PRKAR2A: variants seen among roughly 807,000 people sequenced by gnomAD.
PRKAR2A encodes the protein protein kinase cAMP-dependent type II regulatory subunit alpha.
Under a neutral mutation model 51.9 loss-of-function variants are expected in PRKAR2A, and 29 were observed. The ratio of observed to expected loss-of-function variants is 0.56; its 90% CI spans 0.42 to 0.76. The LOEUF is 0.76. PRKAR2A is among the 30% of genes least tolerant of loss of function. The pLI is 0.00. For synonymous variants in PRKAR2A, 178 were observed against 186.2 expected, an observed-to-expected ratio of 0.96 and a Z score of 0.36; for missense variants, 445 against 512.1, an observed-to-expected ratio of 0.87 and a Z score of 1.26.
At chr3:48,846,751 A>G (rs1295729793) in intron 1 of PRKAR2A, among the ~76,000 whole-genome samples, 1 of 152,220 alleles carries the variant, frequency 6.6e-6, no homozygotes, top group Non-Finnish European at 1.5e-5. Context: ...AAGAAATACA[A>G]ACTCAAGTAA....
At chr3:48,784,898 T>A (rs1359931346) in intron 4 of PRKAR2A, among the ~76,000 whole-genome samples, 1 of 152,184 alleles carries the variant, frequency 6.6e-6, no homozygotes, top group Admixed American at 6.6e-5. Flanking sequence ...AAGTACTTAC[T>A]ATATGTGATT....
intron 5 of PRKAR2A, among the ~76,000 whole-genome samples, chr3:48,782,335 AG>A (rs1423067183): frequency 6.6e-6 from 1 of 152,242 alleles, no homozygotes; most frequent in Non-Finnish European, 1.5e-5. Context: ...AAATGACTAT[AG>A]TACCATGGCT....
intron 4 of PRKAR2A, among the ~76,000 whole-genome samples, chr3:48,785,258 A>ATTT (rs1198962303): frequency 4.0e-5 from 5 of 123,882 alleles, no homozygotes; most frequent in Non-Finnish European, 8.5e-5. Flanking sequence ...GGCCTGGATA[A>ATTT]TTTTTTTTTT....
At chr3:48,845,607 G>C (rs938624882) in intron 1 of PRKAR2A, among the ~76,000 whole-genome samples, 5 of 152,178 alleles carry the variant, frequency 3.3e-5, no homozygotes, top group Non-Finnish European at 7.3e-5. Context: ...AGCAACCAAG[G>C]AAACTGTAAT....
At chr3:48,836,925 G>C (rs1018169247) in intron 1 of PRKAR2A, among the ~76,000 whole-genome samples, 3 of 152,028 alleles carry the variant, frequency 2.0e-5, no homozygotes, top group East Asian at 3.9e-4. Flanking sequence ...GAGCTCAGGA[G>C]TTCGAGACCA....
chr3:48,779,429 T>C (rs1287055039), intron 5 of PRKAR2A, among the ~76,000 whole-genome samples: 1 of 151,884 alleles, frequency 6.6e-6, no homozygotes. Context: ...GGTAGGGGAG[T>C]ACACAGCAGG....
intron 1 of PRKAR2A, among the ~76,000 whole-genome samples, chr3:48,823,321 G>A (rs574444072): frequency 7.2e-4 from 110 of 151,764 alleles, no homozygotes; most frequent in African/African-American, 2.6e-3. Context: ...AGGGGGTGTC[G>A]GGGGGGTGCT....
At chr3:48,805,216 A>C (rs2082654192) in intron 2 of PRKAR2A, among the ~76,000 whole-genome samples, 1 of 152,108 alleles carries the variant, frequency 6.6e-6, no homozygotes, top group Non-Finnish European at 1.5e-5. Flanking sequence ...GCCAGCCATA[A>C]TGCGAAGTTT....
At chr3:48,759,846 A>G (rs932491326) in intron 8 of PRKAR2A, among the ~76,000 whole-genome samples, 4 of 152,214 alleles carry the variant, frequency 2.6e-5, no homozygotes, top group African/African-American at 9.6e-5. Flanking sequence ...TTCACAACAG[A>G]TAATATAAGA....
At position 48,751,431 on chromosome 3, in the gene PRKAR2A, G is replaced by T; in HGVS notation, c.*154C>A. The T allele has an allele frequency of 8.8e-7, 1 of 1,132,836 alleles. No homozygotes were observed. Among genetic ancestry groups the T allele is most frequent in the Non-Finnish European group, 1.3e-6 (1 of 771,634 alleles). 70.2% of individuals were successfully genotyped at this position (1,132,836 alleles called of 1,614,324 possible). A position where few individuals can be genotyped will look rare whatever the true frequency, so the allele number is the denominator to read the frequency against. On this transcript the variant is annotated 3_prime_UTR_variant, in exon 11 of 11. Coordinates refer to ENST00000265563, the MANE Select transcript of PRKAR2A (RefSeq NM_004157.4). Reference sequence around the variant, plus strand: ...GAACCTCTGCCCATCCTTTAGTGCTGACTTTCAAGTTTTCTAAATGCCCAT... The same window carrying T: ...GAACCTCTGCCCATCCTTTAGTGCTTACTTTCAAGTTTTCTAAATGCCCAT...
At chr3:48,771,651 G>A (rs2082030309) in intron 6 of PRKAR2A, among the ~76,000 whole-genome samples, 1 of 151,930 alleles carries the variant, frequency 6.6e-6, no homozygotes, top group Admixed American at 6.6e-5. Context: ...TCAAATTCCT[G>A]GACTCAATCC....
chr3:48,788,882 C>T (rs1235643740), intron 4 of PRKAR2A, among the ~76,000 whole-genome samples: 1 of 152,026 alleles, frequency 6.6e-6, no homozygotes. Flanking sequence ...CCCAAATGTA[C>T]TAGGACACCT....
At chr3:48,776,119 A>G (rs1439307887) in intron 5 of PRKAR2A, among the ~76,000 whole-genome samples, 2 of 152,096 alleles carry the variant, frequency 1.3e-5, no homozygotes, top group African/African-American at 4.8e-5. Flanking sequence ...CAAACAAACA[A>G]ACAAACAAAC....
chr3:48,751,832 G>A, intron 10 of PRKAR2A, 114 bp from the exon 11 acceptor site: 1 of 1,242,488 alleles, frequency 8.0e-7, no homozygotes, highest in Non-Finnish European at 1.1e-6. Context: ...TGGGACACCA[G>A]CCACTTGCAA....
At chr3:48,838,219 A>C (rs1057131866) in intron 1 of PRKAR2A, among the ~76,000 whole-genome samples, 1 of 152,062 alleles carries the variant, frequency 6.6e-6, no homozygotes, top group Non-Finnish European at 1.5e-5. Flanking sequence ...TTCCATTTAT[A>C]TGAAATATGC....
chr3:48,797,639 C>G (rs905659017), intron 2 of PRKAR2A, among the ~76,000 whole-genome samples: 7 of 152,116 alleles, frequency 4.6e-5, no homozygotes, highest in Admixed American at 4.6e-4. Flanking sequence ...GTAATGCCAT[C>G]GATACCAAGT....
rs2081597295 is a variant in PRKAR2A, at chr3:48,748,547, G to C, written c.*3038C>G. 1 of 152,286 alleles carries C rather than the reference G, an allele frequency of 6.6e-6. No homozygotes were observed. Among genetic ancestry groups the C allele is most frequent in the African/African-American group, 2.4e-5 (1 of 41,456 alleles). The allele number at this position is 152,286 out of a possible 1,614,324, so 9.4% of individuals were successfully genotyped here. ...AAAGACTAGACTGGGATGTGTGCGA[G>C]AGTGGGATAAGAAGGCCCATCCCTA... On this transcript the variant is annotated 3_prime_UTR_variant, in exon 11 of 11. Transcript: ENST00000265563.
intron 1 of PRKAR2A, among the ~76,000 whole-genome samples, chr3:48,813,230 A>C (rs2082806669): frequency 1.4e-5 from 2 of 140,864 alleles, no homozygotes; most frequent in African/African-American, 2.7e-5. Flanking sequence ...CCCTATCTCT[A>C]CCAAAAAAAA....
intron 4 of PRKAR2A, among the ~76,000 whole-genome samples, chr3:48,787,972 C>G (rs1682222498): frequency 1.3e-5 from 2 of 152,152 alleles, no homozygotes; most frequent in African/African-American, 4.8e-5. Flanking sequence ...TGGGACTCCT[C>G]AATAGGCCTA....
Sources: allele counts gnomAD v4.1 joint callset (sites outside exome capture counted in the v4.1 genomes callset), GRCh38; gene constraint gnomAD v4.1.1; transcripts MANE v1.5; gene names NCBI Gene and HGNC (gene_info 2026-07-23, HGNC 2026-07-21).